Variants in IL1RL1 observed in about 807,000 individuals in gnomAD.
The protein encoded by IL1RL1 is interleukin 1 receptor like 1.
Under a neutral mutation model 50.9 loss-of-function variants are expected in IL1RL1, and 32 were observed. The observed-to-expected ratio is 0.63, with a 90% confidence interval of 0.47 to 0.84. IL1RL1 has a LOEUF of 0.84. Ranked by LOEUF, IL1RL1 falls within the 40% of genes least tolerant of loss-of-function variation. The pLI is 0.00. For missense variants in IL1RL1, 773 were observed against 662.9 expected (o/e 1.17, Z -1.82); for synonymous variants, 275 against 236.0 (o/e 1.17, Z -1.51).
In IL1RL1 at chr2:102,348,021, C is replaced by T; in HGVS notation, c.1047C>T (p.Ile349=). 6.2e-7 allele frequency: 1 copy of T among 1,600,146 alleles called. No homozygotes were observed. The highest frequency in any genetic ancestry group is 8.6e-7 in the Non-Finnish European group (1 of 1,167,402). Residue 349 remains isoleucine, a synonymous_variant, in exon 9 of 11, where the codon ATC becomes ATT. Coordinates refer to ENST00000233954, the MANE Select transcript of IL1RL1 (RefSeq NM_016232.5). ...TGCTAATCAATGTCCTGGTTATCAT[C>T]CTAAAAATGTTCTGGATTGAGGCCA... ...FLMLINVLVI[I]LKMFWIEATL... is the part of the protein sequence containing the mutation.
rs984137300 is a variant in IL1RL1 at position 102,311,565 on chromosome 2, G to A, written c.-208G>A. 5.3e-5 allele frequency: 8 copies of A among 151,374 alleles called. No homozygotes were observed. The highest frequency in any genetic ancestry group is 8.8e-5 in the Non-Finnish European group (6 of 67,934). The allele number at this position is 151,374 out of a possible 1,614,324, so 9.4% of individuals were successfully genotyped here. A position where few individuals can be genotyped will look rare whatever the true frequency, so the allele number is the denominator to read the frequency against. ...GCTGTAAGAGAAATTGGCTTTCTGAGTTGTGAAACTGTGGGCAGAAAGTTG... is the reference window on the plus strand; with the variant it reads ...GCTGTAAGAGAAATTGGCTTTCTGAATTGTGAAACTGTGGGCAGAAAGTTG... On this transcript the variant is annotated 5_prime_UTR_variant, in exon 1 of 11. Coordinates refer to ENST00000233954, the MANE Select transcript of IL1RL1 (RefSeq NM_016232.5).
chr2:102,327,254 A>G (rs1194048334), intron 1 of IL1RL1, among the ~76,000 whole-genome samples: 2 of 152,160 alleles, frequency 1.3e-5, no homozygotes, highest in Non-Finnish European at 2.9e-5. Context: ...CTGAATGACT[A>G]CTGGGTACAT....
intron 1 of IL1RL1, among the ~76,000 whole-genome samples, chr2:102,337,507 G>A (rs1677372521): frequency 6.6e-6 from 1 of 152,138 alleles, no homozygotes; most frequent in African/African-American, 2.4e-5. Flanking sequence ...AAAAATTAAT[G>A]TATTTATTAT....
At chr2:102,350,275 C>A (rs892285379) in intron 10 of IL1RL1, among the ~76,000 whole-genome samples, 12 of 152,332 alleles carry the variant, frequency 7.9e-5, no homozygotes, top group Non-Finnish European at 1.2e-4. Flanking sequence ...GTGAGCTCAA[C>A]AATGTGCCAC....
intron 4 of IL1RL1, 25 bp downstream of exon 4, chr2:102,340,297 A>G (rs1349820115): frequency 1.9e-6 from 3 of 1,558,938 alleles, no homozygotes; most frequent in Non-Finnish European, 2.6e-6. Flanking sequence ...GGAAGGAAAT[A>G]GATGAAAATT....
At chr2:102,351,384 C>G (rs11123923) in intron 10 of IL1RL1, 152 bp from the exon 11 acceptor site, 2 of 665,576 alleles carry the variant, frequency 3.0e-6, no homozygotes, top group African/African-American at 3.7e-5. Context: ...AACGGGTTCT[C>G]TATCCACACA....
chr2:102,349,311 C>A, intron 10 of IL1RL1, 65 bp downstream of exon 10: 1 of 1,347,004 alleles, frequency 7.4e-7, no homozygotes, highest in Non-Finnish European at 1.1e-6. Flanking sequence ...AACTAGGTGG[C>A]CTTATCCCTG....
chr2:102,345,984 T>C, intron 8 of IL1RL1: 2 of 985,290 alleles, frequency 2.0e-6, no homozygotes, highest in Non-Finnish European at 1.2e-6. Context: ...GTTACAGGTG[T>C]TTAATGATTT....
At chr2:102,327,239 T>C (rs1164931817) in intron 1 of IL1RL1, among the ~76,000 whole-genome samples, 1 of 152,038 alleles carries the variant, frequency 6.6e-6, no homozygotes, top group Non-Finnish European at 1.5e-5. Context: ...CTGAACAACC[T>C]GCTCCTGAAT....
chr2:102,330,535 T>C (rs1294439064), intron 1 of IL1RL1, among the ~76,000 whole-genome samples: 1 of 152,224 alleles, frequency 6.6e-6, no homozygotes, highest in East Asian at 1.9e-4. Context: ...TTGTTTACAT[T>C]TATCTAATAA....
At chr2:102,343,528 A>G in intron 8 of IL1RL1, 113 bp downstream of exon 8, 1 of 1,592,448 alleles carries the variant, frequency 6.3e-7, no homozygotes, top group South Asian at 1.1e-5. Flanking sequence ...CTGTGCCATA[A>G]AATGTGCTTC....
At chr2:102,344,832 CT>C in intron 8 of IL1RL1, 10 of 953,476 alleles carry the variant, frequency 1.0e-5, no homozygotes, top group Non-Finnish European at 1.2e-5. Flanking sequence ...AATTCAATAA[CT>C]TTCCTCATCA....
At chr2:102,345,147 T>C (rs1677735616) in intron 8 of IL1RL1, 1 of 897,838 alleles carries the variant, frequency 1.1e-6, no homozygotes, top group African/African-American at 1.8e-5. Flanking sequence ...CTACAAGTCA[T>C]TGTGCTTTTT....
In IL1RL1 at chr2:102,348,169, C is replaced by A. The variant is rs141098245; in HGVS notation, c.1117+78C>A. On this transcript the variant is annotated intron_variant, in intron 9 of 10. Coordinates refer to ENST00000233954, the MANE Select transcript of IL1RL1 (RefSeq NM_016232.5). ...GTTGGTTACCTGTCTATTAATCTTT[C>A]AGTAGCTAGGCTGCTAAGCCCAGAT... 481 of 1,134,022 alleles carry A rather than the reference C, an allele frequency of 4.2e-4. No homozygotes were observed. The African/African-American group carries it at 6.2e-3, about 15-fold the overall frequency. The allele number at this position is 1,134,022 out of a possible 1,614,324, so 70.2% of individuals were successfully genotyped here.
At chr2:102,327,268 G>A (rs1050685095) in intron 1 of IL1RL1, among the ~76,000 whole-genome samples, 12 of 151,946 alleles carry the variant, frequency 7.9e-5, no homozygotes, top group African/African-American at 2.7e-4. Context: ...GGTACATAAC[G>A]AAATGAAGGC....
intron 8 of IL1RL1, chr2:102,345,462 A>G (rs778061834): frequency 6.1e-6 from 6 of 985,410 alleles, no homozygotes; most frequent in Non-Finnish European, 7.2e-6. Context: ...GAAATTGTTT[A>G]ATGTGCCTGT....
intron 1 of IL1RL1, among the ~76,000 whole-genome samples, chr2:102,332,366 A>G (rs1428717638): frequency 6.6e-6 from 1 of 152,230 alleles, no homozygotes; most frequent in Non-Finnish European, 1.5e-5. Context: ...CACCGATAGC[A>G]GCATTATTCA....
At chr2:102,311,968 AATATT>A (rs796152666) in intron 1 of IL1RL1, among the ~76,000 whole-genome samples, 5,116 of 26,138 alleles carry the variant, frequency 0.2, 489 homozygotes, top group East Asian at 0.26. Context: ...TATTATATAT[AATATT>A]ATATATAATA....
chr2:102,332,360 G>A (rs1041244800), intron 1 of IL1RL1, among the ~76,000 whole-genome samples: 17 of 152,168 alleles, frequency 1.1e-4, no homozygotes, highest in African/African-American at 3.9e-4. Flanking sequence ...CTTGGACACC[G>A]ATAGCAGCAT....
Sources: allele counts gnomAD v4.1 joint callset (sites outside exome capture counted in the v4.1 genomes callset), GRCh38; gene constraint gnomAD v4.1.1; transcripts MANE v1.5; gene names NCBI Gene and HGNC (gene_info 2026-07-23, HGNC 2026-07-21).